The following ADCY9 variants were observed in gnomAD, a reference collection of about 807,000 sequenced individuals.
The protein encoded by ADCY9 is adenylate cyclase type 9.
ADCY9 carries 50 observed loss-of-function variants against 101.5 expected under a neutral mutation model. That is an observed-to-expected ratio of 0.49 (90% CI 0.39 to 0.62). The LOEUF (loss-of-function observed/expected upper bound fraction) is 0.62. ADCY9 is among the 20% of genes least tolerant of loss of function. ADCY9 has a pLI of 0.00. For missense variants in ADCY9, 1,662 were observed against 1,800.4 expected (o/e 0.92, Z 1.39); for synonymous variants, 905 against 769.3 (o/e 1.18, Z -2.92).
intron 2 of ADCY9, among the ~76,000 whole-genome samples, chr16:4,069,929 C>A (rs1258284948): frequency 6.6e-6 from 1 of 152,112 alleles, no homozygotes. Context: ...AACCCTGTCT[C>A]TACTAAAAGT....
intron 2 of ADCY9, among the ~76,000 whole-genome samples, chr16:4,024,837 A>G (rs1376146840): frequency 1.3e-5 from 2 of 152,136 alleles, no homozygotes; most frequent in East Asian, 3.9e-4. Context: ...CAAAATCAGG[A>G]GCTCAGTTCT....
chr16:4,019,790 G>A (rs921730815), intron 2 of ADCY9, among the ~76,000 whole-genome samples: 1 of 152,118 alleles, frequency 6.6e-6, no homozygotes, highest in African/African-American at 2.4e-5. Flanking sequence ...GAGAAGAAGA[G>A]ATACATGCCA....
Position 3,966,363 on chromosome 16 carries a change from C to T in ADCY9, c.3474G>A (p.Trp1158Ter). The T allele has an allele frequency of 6.2e-7, 1 of 1,614,112 alleles. No homozygotes were observed. The highest frequency in any genetic ancestry group is 8.5e-7 in the Non-Finnish European group (1 of 1,180,046). Residue 1158 changes from tryptophan to a stop codon, truncating the protein, a stop_gained, in exon 11 of 11, where the codon TGG becomes TGA. Transcript: ENST00000294016. LOFTEE classifies it high-confidence loss of function. ...VVDDFNNNML[W>*]FNFKLRVGFN... ...AGCCGACGCGGAGCTTGAAGTTGAA[C>T]CACAGCATGTTGTTGTTGAAGTCGT...
intron 2 of ADCY9, among the ~76,000 whole-genome samples, chr16:4,011,102 C>G (rs887244): frequency 2.6e-5 from 4 of 152,004 alleles, no homozygotes; most frequent in Non-Finnish European, 4.4e-5. Context: ...ACCCTCCACA[C>G]GGAGAACTGA....
chr16:4,103,639 G>A (rs2057057825), intron 2 of ADCY9, among the ~76,000 whole-genome samples: 1 of 152,164 alleles, frequency 6.6e-6, no homozygotes, highest in African/African-American at 2.4e-5. Flanking sequence ...AGACCAGCCT[G>A]GCCAATATGG....
At chr16:3,987,723 C>G (rs1265334426) in intron 6 of ADCY9, among the ~76,000 whole-genome samples, 1 of 152,174 alleles carries the variant, frequency 6.6e-6, no homozygotes, top group Non-Finnish European at 1.5e-5. Flanking sequence ...CAGGGTCTCT[C>G]TAGAGCCCAA....
chr16:4,012,846 G>A (rs1213215986), intron 2 of ADCY9, among the ~76,000 whole-genome samples: 2 of 152,166 alleles, frequency 1.3e-5, no homozygotes, highest in Non-Finnish European at 1.5e-5. Flanking sequence ...AAGAGTGATG[G>A]GCGAGGCCCA....
At chr16:4,112,105 G>C (rs2057117428) in intron 2 of ADCY9, among the ~76,000 whole-genome samples, 1 of 152,136 alleles carries the variant, frequency 6.6e-6, no homozygotes, top group Non-Finnish European at 1.5e-5. Context: ...CAGTCTCCAA[G>C]GACAGAGCTC....
At chr16:4,017,453 G>T (rs2056445701) in intron 2 of ADCY9, among the ~76,000 whole-genome samples, 1 of 149,514 alleles carries the variant, frequency 6.7e-6, no homozygotes, top group African/African-American at 2.4e-5. Context: ...AGACCAGCCT[G>T]ACCAACATGG....
intron 9 of ADCY9, among the ~76,000 whole-genome samples, chr16:3,975,602 A>G (rs1344709910): frequency 6.6e-6 from 1 of 152,220 alleles, no homozygotes; most frequent in African/African-American, 2.4e-5. Flanking sequence ...CATTTCGGAA[A>G]TGCCAGGGGT....
chr16:4,033,305 A>C (rs1244374754), intron 2 of ADCY9, among the ~76,000 whole-genome samples: 1 of 152,214 alleles, frequency 6.6e-6, no homozygotes, highest in Admixed American at 6.6e-5. Flanking sequence ...CTAATTCCAA[A>C]TGAGTTGCTT....
At chr16:4,017,678 A>C (rs2056447518) in intron 2 of ADCY9, among the ~76,000 whole-genome samples, 1 of 151,830 alleles carries the variant, frequency 6.6e-6, no homozygotes, top group Non-Finnish European at 1.5e-5. Context: ...TGGTAGAGCT[A>C]GGGCAGAAAA....
chr16:4,017,971 C>T (rs760865882), intron 2 of ADCY9, among the ~76,000 whole-genome samples: 4 of 152,208 alleles, frequency 2.6e-5, no homozygotes, highest in African/African-American at 7.2e-5. Flanking sequence ...GCACGCCAGA[C>T]GCTTGGCCAC....
chr16:4,036,355 G>T (rs1465054374), intron 2 of ADCY9, among the ~76,000 whole-genome samples: 1 of 151,846 alleles, frequency 6.6e-6, no homozygotes, highest in Non-Finnish European at 1.5e-5. Context: ...AAACTTGGAG[G>T]GTATGTGAGA....
rs1426708299 is a variant in ADCY9 at position 4,114,583 on chromosome 16, A to G, written c.860T>C (p.Leu287Pro). ...LHWELLSRGLLHGCIHAIGVH... is the reference protein window; with the variant it reads ...LHWELLSRGLPHGCIHAIGVH... ...CCCGATGGCGTGGATGCAGCCGTGGAGCAGCCCCCTGCTCAGCAGCTCCCA... is the reference window on the plus strand; with the variant it reads ...CCCGATGGCGTGGATGCAGCCGTGGGGCAGCCCCCTGCTCAGCAGCTCCCA... Residue 287 changes from leucine to proline, a missense_variant, in exon 2 of 11, where the codon CTC becomes CCC. Around this residue, in one of 5 missense-constraint regions of ADCY9, gnomAD observed 422 missense variants for 392.0 expected, o/e 1.08. Coordinates refer to ENST00000294016, the MANE Select transcript of ADCY9 (RefSeq NM_001116.4). This position sits in a 1 kb window ranked among gnomAD's most constrained non-coding sequence, Gnocchi z 4.3. The G allele has an allele frequency of 6.2e-7, 1 of 1,613,940 alleles. No individual in the cohort carries two copies. Among genetic ancestry groups the G allele is most frequent in the Admixed American group, 1.7e-5 (1 of 60,024 alleles).
chr16:4,068,868 G>A (rs2056816467), intron 2 of ADCY9, among the ~76,000 whole-genome samples: 3 of 150,156 alleles, frequency 2.0e-5, no homozygotes, highest in Admixed American at 6.6e-5. Context: ...ATGGGTACAC[G>A]CAGATCTATC....
chr16:4,080,488 C>G (rs958638017), intron 2 of ADCY9, among the ~76,000 whole-genome samples: 3 of 152,042 alleles, frequency 2.0e-5, no homozygotes, highest in Non-Finnish European at 4.4e-5. Context: ...AACTCTTGGC[C>G]TCAAGAGTGA....
rs1170090126 is a variant in ADCY9 at position 4,110,376 on chromosome 16, CTT to C, written c.1693+3372_1693+3373del. 4.9e-4 allele frequency among the ~76,000 whole-genome samples: 54 copies of C among 110,758 alleles called. 1 individual carries two copies. The highest frequency in any genetic ancestry group is 3.6e-4 in the Non-Finnish European group (20 of 55,010). 72.7% of individuals were successfully genotyped at this position (110,758 alleles called of 152,430 possible). ...AGTTTTGCAATCATACTTATACCTA[CTT>C]TTTTTTTTTTTTTTTTTTTTTTTTG... On this transcript the variant is annotated intron_variant, in intron 2 of 10. Coordinates refer to ENST00000294016, the MANE Select transcript of ADCY9 (RefSeq NM_001116.4).
chr16:4,096,711 G>C (rs962081879), intron 2 of ADCY9, among the ~76,000 whole-genome samples: 2 of 152,226 alleles, frequency 1.3e-5, no homozygotes, highest in African/African-American at 4.8e-5. Flanking sequence ...TTCACTTAAA[G>C]TGTCATAGCC....
Sources: allele counts gnomAD v4.1 joint callset (sites outside exome capture counted in the v4.1 genomes callset), GRCh38; gene constraint gnomAD v4.1.1; regional missense constraint gnomAD v4.1.1; non-coding constraint Gnocchi (gnomAD v3.1); transcripts MANE v1.5; gene names NCBI Gene and HGNC (gene_info 2026-07-23, HGNC 2026-07-21).